MGMT: variants seen among roughly 807,000 people sequenced by gnomAD.
The protein encoded by MGMT is O-6-methylguanine-DNA methyltransferase, also known as methylated-DNA--protein-cysteine methyltransferase.
Under a neutral mutation model 15.9 loss-of-function variants are expected in MGMT, and 14 were observed. That is an observed-to-expected ratio of 0.88 (90% CI 0.58 to 1.37). MGMT has a LOEUF of 1.37. Among genes scored for constraint, MGMT ranks in the 40% most tolerant of loss-of-function variants. The pLI is 0.00. For missense variants in MGMT, 282 were observed against 268.1 expected, an observed-to-expected ratio of 1.05 and a Z score of -0.36; for synonymous variants, 130 against 118.2, an observed-to-expected ratio of 1.10 and a Z score of -0.65.
At chr10:129,742,998 G>C (rs997257106) in intron 3 of MGMT, among the ~76,000 whole-genome samples, 3 of 106,164 alleles carry the variant, frequency 2.8e-5, no homozygotes, top group Non-Finnish European at 6.2e-5. Context: ...GGTGGTAAAC[G>C]ATAAAAAAAC....
intron 1 of MGMT, among the ~76,000 whole-genome samples, chr10:129,515,459 T>G (rs931628201): frequency 6.6e-6 from 1 of 151,822 alleles, no homozygotes; most frequent in Non-Finnish European, 1.5e-5. Context: ...GTCTCATTAC[T>G]TGATAGCACG....
intron 4 of MGMT, among the ~76,000 whole-genome samples, chr10:129,760,284 C>A (rs1008992039): frequency 2.0e-5 from 3 of 152,222 alleles, no homozygotes; most frequent in African/African-American, 7.2e-5. Flanking sequence ...GCCCCGTCTG[C>A]GTGGCCCATT....
At chr10:129,614,023 C>T (rs550524790) in intron 2 of MGMT, among the ~76,000 whole-genome samples, 2 of 152,310 alleles carry the variant, frequency 1.3e-5, no homozygotes, top group South Asian at 4.1e-4. Context: ...TTCACACCGT[C>T]GTGCAGCCAT....
chr10:129,515,139 G>T (rs763648738), intron 1 of MGMT, among the ~76,000 whole-genome samples: 1 of 149,790 alleles, frequency 6.7e-6, no homozygotes, highest in African/African-American at 2.5e-5. Flanking sequence ...ATTGAGAGAC[G>T]TGTGCTGACT....
intron 2 of MGMT, among the ~76,000 whole-genome samples, chr10:129,546,510 G>T (rs1191470035): frequency 6.6e-6 from 1 of 152,204 alleles, no homozygotes; most frequent in African/African-American, 2.4e-5. Context: ...CTAGGGGAGA[G>T]GTGAGCAAAG....
chr10:129,743,711 C>T (rs1007445052), intron 3 of MGMT, among the ~76,000 whole-genome samples: 2 of 152,254 alleles, frequency 1.3e-5, no homozygotes, highest in African/African-American at 4.8e-5. Flanking sequence ...GAGGTCACAG[C>T]TGACATGCTG....
At chr10:129,537,863 C>T (rs377409782) in intron 2 of MGMT, among the ~76,000 whole-genome samples, 2 of 152,272 alleles carry the variant, frequency 1.3e-5, no homozygotes, top group Admixed American at 1.3e-4. Context: ...CCTTCATGGC[C>T]CCTGGGAACT....
intron 2 of MGMT, among the ~76,000 whole-genome samples, chr10:129,623,147 C>T (rs955254469): frequency 4.6e-5 from 7 of 152,112 alleles, no homozygotes; most frequent in Non-Finnish European, 7.4e-5. Context: ...TGATTAGTGC[C>T]TTGCAGATAT....
At chr10:129,609,100 C>T (rs765522383) in intron 2 of MGMT, among the ~76,000 whole-genome samples, 284 of 152,276 alleles carry the variant, frequency 1.9e-3, no homozygotes, top group Non-Finnish European at 3.6e-3. Context: ...ACAGGTGATG[C>T]AGGGAGGGGC....
At chr10:129,511,646 G>T (rs1275169355) in intron 1 of MGMT, among the ~76,000 whole-genome samples, 1 of 152,198 alleles carries the variant, frequency 6.6e-6, no homozygotes, top group African/African-American at 2.4e-5. Flanking sequence ...CTGGCCATCA[G>T]TTTTTTAGTG....
intron 1 of MGMT, among the ~76,000 whole-genome samples, chr10:129,510,573 C>CAGTT (rs145330614): frequency 0.068 from 10,396 of 152,110 alleles, 1,177 homozygotes; most frequent in African/African-American, 0.24. Context: ...CTGGTTATTT[C>CAGTT]AGTTTAGTAA....
intron 3 of MGMT, among the ~76,000 whole-genome samples, chr10:129,712,421 C>T (rs1339894962): frequency 6.6e-6 from 1 of 152,230 alleles, no homozygotes; most frequent in Non-Finnish European, 1.5e-5. Context: ...AGTTGCATGA[C>T]AGCAGTAAAA....
chr10:129,663,186 C>G (rs142551596), intron 2 of MGMT, among the ~76,000 whole-genome samples: 21 of 152,340 alleles, frequency 1.4e-4, no homozygotes, highest in African/African-American at 5.1e-4. Context: ...AATCAACATT[C>G]TCTGATCACA....
In MGMT at chr10:129,704,556, T is replaced by A. The variant is rs543387921; in HGVS notation, c.126-3339T>A. Reference sequence around the variant, plus strand: ...GGCCGCAGTGTCCACGGGGTCAGCGTAATTTAGCCGGCTCTGCTGGGCTTG... The same window carrying A: ...GGCCGCAGTGTCCACGGGGTCAGCGAAATTTAGCCGGCTCTGCTGGGCTTG... On this transcript the variant is annotated intron_variant, in intron 2 of 4. Coordinates refer to ENST00000651593, the MANE Select transcript of MGMT (RefSeq NM_002412.5). 9.9e-5 allele frequency among the ~76,000 whole-genome samples: 15 copies of A among 152,218 alleles called. No individual in the cohort carries two copies. The East Asian group carries it at 2.7e-3, about 28-fold the overall frequency.
intron 2 of MGMT, among the ~76,000 whole-genome samples, chr10:129,540,511 C>T (rs527907486): frequency 5.1e-4 from 78 of 152,278 alleles, no homozygotes; most frequent in African/African-American, 1.2e-3. Context: ...GTTTCAGAGG[C>T]GTCTTCCTCA....
At chr10:129,764,648 A>G (rs1029273874) in intron 4 of MGMT, among the ~76,000 whole-genome samples, 1 of 152,204 alleles carries the variant, frequency 6.6e-6, no homozygotes, top group Non-Finnish European at 1.5e-5. Flanking sequence ...GGCAGAAATC[A>G]TTTCTCTGTT....
intron 1 of MGMT, among the ~76,000 whole-genome samples, chr10:129,486,598 A>G (rs1589831568): frequency 6.6e-6 from 1 of 152,204 alleles, no homozygotes; most frequent in African/African-American, 2.4e-5. Flanking sequence ...GTTTGGTGAA[A>G]TTGGTATAAA....
At chr10:129,626,600 T>C (rs1034548959) in intron 2 of MGMT, among the ~76,000 whole-genome samples, 2 of 152,132 alleles carry the variant, frequency 1.3e-5, no homozygotes, top group Non-Finnish European at 2.9e-5. Context: ...CTGTGCTCTT[T>C]GGGAGGATCC....
chr10:129,692,478 T>C (rs1847980686), intron 2 of MGMT, among the ~76,000 whole-genome samples: 1 of 152,212 alleles, frequency 6.6e-6, no homozygotes, highest in Non-Finnish European at 1.5e-5. Flanking sequence ...CGTGGCTGTG[T>C]TCCAATGAAA....
Sources: gnomAD v4.1 joint callset for allele counts (sites outside exome capture counted in the v4.1 genomes callset) on GRCh38, gnomAD v4.1.1 for gene constraint, MANE v1.5 for transcripts, NCBI Gene and HGNC (gene_info 2026-07-23, HGNC 2026-07-21) for gene names.